The following PCDH15 variants were observed in gnomAD, a reference collection of about 807,000 sequenced individuals.
PCDH15 encodes protocadherin related 15, also known as protocadherin-15.
In PCDH15, 129 loss-of-function variants were observed where a neutral mutation model predicts 178.5. The ratio of observed to expected loss-of-function variants is 0.72; its 90% CI spans 0.63 to 0.84. The LOEUF is 0.84. Ranked by LOEUF, PCDH15 falls within the 40% of genes least tolerant of loss-of-function variation. The pLI is 0.00. For missense variants in PCDH15, 2,230 were observed against 2,099.9 expected, an observed-to-expected ratio of 1.06 and a Z score of -1.21; for synonymous variants, 800 against 732.0, an observed-to-expected ratio of 1.09 and a Z score of -1.50.
At chr10:54,877,369 A>G (rs1479680477) in intron 3 of PCDH15, among the ~76,000 whole-genome samples, 1 of 152,166 alleles carries the variant, frequency 6.6e-6, no homozygotes, top group African/African-American at 2.4e-5. Flanking sequence ...GAAAATAGCT[A>G]CCTACAGAAT....
chr10:55,582,628 A>ATATATT (rs780312007), intron 2 of PCDH15, among the ~76,000 whole-genome samples: 107 of 68,954 alleles, frequency 1.6e-3, no homozygotes, highest in Non-Finnish European at 2.2e-3. Flanking sequence ...ATATATATAT[A>ATATATT]TTTTTTTTTT....
intron 1 of PCDH15, among the ~76,000 whole-genome samples, chr10:54,688,382 C>T (rs2095053989): frequency 6.6e-6 from 1 of 151,896 alleles, no homozygotes; most frequent in Non-Finnish European, 1.5e-5. Context: ...CAGACATTAA[C>T]AAACAGCAGT....
At chr10:53,858,411 G>A (rs1054910457) in intron 27 of PCDH15, among the ~76,000 whole-genome samples, 1 of 152,096 alleles carries the variant, frequency 6.6e-6, no homozygotes, top group Non-Finnish European at 1.5e-5. Flanking sequence ...ATAGAAAGAA[G>A]TGTAAGTAAC....
intron 1 of PCDH15, among the ~76,000 whole-genome samples, chr10:55,264,173 C>G (rs1041216693): frequency 6.6e-6 from 1 of 152,144 alleles, no homozygotes; most frequent in Non-Finnish European, 1.5e-5. Flanking sequence ...TGGATAAAAA[C>G]AGCCCCTAAA....
At chr10:55,590,940 C>T (rs542559848) in intron 2 of PCDH15, among the ~76,000 whole-genome samples, 47 of 152,130 alleles carry the variant, frequency 3.1e-4, no homozygotes, top group African/African-American at 1.1e-3. Context: ...TAGCCAAAAA[C>T]GTGTTCTTAA....
At chr10:54,810,686 C>CT (rs1952849256) in intron 3 of PCDH15, among the ~76,000 whole-genome samples, 1 of 151,984 alleles carries the variant, frequency 6.6e-6, no homozygotes, top group African/African-American at 2.4e-5. Context: ...CTGCTAAACT[C>CT]TATTAACAAA....
intron 2 of PCDH15, among the ~76,000 whole-genome samples, chr10:54,556,626 CT>C (rs34614504): frequency 0.39 from 51,320 of 133,214 alleles, 10,257 homozygotes; most frequent in East Asian, 0.6. Context: ...TTTTAAGAGA[CT>C]TTTTTTTTTT....
At chr10:55,103,936 C>T (rs1377133191) in intron 2 of PCDH15, among the ~76,000 whole-genome samples, 1 of 151,966 alleles carries the variant, frequency 6.6e-6, no homozygotes, top group African/African-American at 2.4e-5. Context: ...CAATCAGGTT[C>T]CTGTTATTTA....
intron 25 of PCDH15, among the ~76,000 whole-genome samples, chr10:53,913,016 G>T (rs1049119262): frequency 6.6e-6 from 1 of 152,142 alleles, no homozygotes; most frequent in Non-Finnish European, 1.5e-5. Flanking sequence ...AAAGCTGGAG[G>T]CATCATGCTA....
intron 1 of PCDH15, among the ~76,000 whole-genome samples, chr10:54,742,080 A>G (rs977988567): frequency 6.6e-6 from 1 of 152,044 alleles, no homozygotes; most frequent in Non-Finnish European, 1.5e-5. Flanking sequence ...GTCAGAATCT[A>G]TGTGAATATA....
chr10:54,164,186 A>C (rs1013200566), intron 13 of PCDH15, among the ~76,000 whole-genome samples: 1 of 152,166 alleles, frequency 6.6e-6, no homozygotes, highest in African/African-American at 2.4e-5. Flanking sequence ...GTATCTAATG[A>C]CTACTCTGGT....
At chr10:54,062,171 C>T (rs1009674638) in intron 18 of PCDH15, among the ~76,000 whole-genome samples, 11 of 135,554 alleles carry the variant, frequency 8.1e-5, no homozygotes, top group African/African-American at 2.6e-4. Flanking sequence ...TGCAGTGAGC[C>T]GAGGTCACTC....
chr10:54,996,263 T>C (rs895973362), intron 2 of PCDH15, among the ~76,000 whole-genome samples: 1 of 152,184 alleles, frequency 6.6e-6, no homozygotes, highest in African/African-American at 2.4e-5. Context: ...CTAGGAAGAA[T>C]AGCCTTTGAC....
chr10:54,103,151 G>A (rs2094843014), intron 15 of PCDH15, among the ~76,000 whole-genome samples: 2 of 152,182 alleles, frequency 1.3e-5, no homozygotes, highest in Admixed American at 6.5e-5. Context: ...TGACTGAGGG[G>A]TCATGATTCT....
At chr10:53,894,666 G>T (rs1442479812) in intron 26 of PCDH15, among the ~76,000 whole-genome samples, 1 of 152,104 alleles carries the variant, frequency 6.6e-6, no homozygotes, top group Non-Finnish European at 1.5e-5. Flanking sequence ...AGTAATCTAC[G>T]CTATTTGACC....
intron 2 of PCDH15, among the ~76,000 whole-genome samples, chr10:55,611,351 G>T (rs930278898): frequency 3.9e-5 from 6 of 151,942 alleles, no homozygotes; most frequent in Non-Finnish European, 7.4e-5. Context: ...ATGGGCAAAA[G>T]ACCTGGACAG....
intron 2 of PCDH15, among the ~76,000 whole-genome samples, chr10:55,522,826 G>T (rs1841213362): frequency 6.6e-6 from 1 of 151,342 alleles, no homozygotes; most frequent in South Asian, 2.1e-4. Context: ...GTTAGGTAAA[G>T]ATTTATGATT....
intron 1 of PCDH15, among the ~76,000 whole-genome samples, chr10:54,664,998 C>A (rs2094548116): frequency 6.6e-6 from 1 of 151,516 alleles, no homozygotes; most frequent in Non-Finnish European, 1.5e-5. Flanking sequence ...GAATGACATC[C>A]TCAGTTTCTT....
chr10:54,722,728 T>C (rs1941843001), intron 1 of PCDH15, among the ~76,000 whole-genome samples: 1 of 151,764 alleles, frequency 6.6e-6, no homozygotes. Flanking sequence ...CAAAAATCAG[T>C]AGCATTTCTA....
Sources: allele counts gnomAD v4.1 joint callset (sites outside exome capture counted in the v4.1 genomes callset), GRCh38; gene constraint gnomAD v4.1.1; transcripts MANE v1.5; gene names NCBI Gene and HGNC (gene_info 2026-07-23, HGNC 2026-07-21).